COL23A1: variants seen among roughly 807,000 people sequenced by gnomAD.
COL23A1 encodes collagen alpha-1(XXIII) chain.
A neutral mutation model predicts 99.3 loss-of-function variants in COL23A1; 97 were observed. The observed-to-expected ratio is 0.98, with a 90% CI of 0.83 to 1.16. The LOEUF (loss-of-function observed/expected upper bound fraction) is 1.16. COL23A1 is among the 50% of genes most tolerant of loss of function. COL23A1 has a pLI of 0.00. For missense variants in COL23A1, 762 were observed against 757.4 expected (o/e 1.01, Z -0.07); for synonymous variants, 320 against 308.2 (o/e 1.04, Z -0.40).
At chr5:178,447,628 T>C (rs1767236565) in intron 2 of COL23A1, among the ~76,000 whole-genome samples, 1 of 152,186 alleles carries the variant, frequency 6.6e-6, no homozygotes, top group South Asian at 2.1e-4. Context: ...GGTTCTAACA[T>C]CTAGGCTTGT....
chr5:178,394,927 C>T (rs1226701719), intron 2 of COL23A1, among the ~76,000 whole-genome samples: 4 of 135,852 alleles, frequency 2.9e-5, no homozygotes, highest in Non-Finnish European at 6.3e-5. Context: ...GGCGGGCAGG[C>T]GCTCTGGGCA....
chr5:178,293,989 G>A (rs1349665215), intron 3 of COL23A1, among the ~76,000 whole-genome samples: 1 of 152,054 alleles, frequency 6.6e-6, no homozygotes, highest in Non-Finnish European at 1.5e-5. Flanking sequence ...CAGAAGTACT[G>A]TGGGAGAGAG....
chr5:178,400,396 T>A (rs2127763506), intron 2 of COL23A1, among the ~76,000 whole-genome samples: 1 of 144,470 alleles, frequency 6.9e-6, no homozygotes, highest in South Asian at 2.2e-4. Context: ...AAAGTCTACA[T>A]GGAATAAAAT....
At chr5:178,433,407 TG>T (rs1766371950) in intron 2 of COL23A1, among the ~76,000 whole-genome samples, 1 of 152,226 alleles carries the variant, frequency 6.6e-6, no homozygotes, top group South Asian at 2.1e-4. Context: ...TCTGTCCCTG[TG>T]GAGTTGGGGT....
At position 178,431,105 on chromosome 5, in the gene COL23A1, C is replaced by T. The variant is rs79766621; in HGVS notation, c.362-124186G>A. 5.4e-3 allele frequency among the ~76,000 whole-genome samples: 815 copies of T among 152,126 alleles called. 6 individuals carry two copies. Among genetic ancestry groups the T allele is most frequent in the African/African-American group, 0.019 (778 of 41,482 alleles). On this transcript the variant is annotated intron_variant, in intron 2 of 28. Coordinates refer to ENST00000390654, the MANE Select transcript of COL23A1 (RefSeq NM_173465.4). ...GTGAGCAAAGACATAGAGGGAGCAC[C>T]GCCAGCTTATGGGATGGCAAGTGGG... is the stretch of plus-strand genomic sequence containing the variant.
chr5:178,507,687 C>A (rs1758955111), intron 2 of COL23A1, among the ~76,000 whole-genome samples: 1 of 152,234 alleles, frequency 6.6e-6, no homozygotes, highest in Non-Finnish European at 1.5e-5. Flanking sequence ...GAGGAGCGAT[C>A]TGCTGTCATT....
intron 2 of COL23A1, among the ~76,000 whole-genome samples, chr5:178,516,151 C>G (rs559826895): frequency 3.9e-5 from 6 of 152,344 alleles, no homozygotes; most frequent in African/African-American, 1.4e-4. Flanking sequence ...CACCCTACCC[C>G]TCTTCCCGTG....
intron 3 of COL23A1, among the ~76,000 whole-genome samples, chr5:178,295,758 G>C (rs1581100115): frequency 6.6e-6 from 1 of 152,380 alleles, no homozygotes; most frequent in East Asian, 1.9e-4. Flanking sequence ...GGATGGTGCA[G>C]CTGCAGATGG....
intron 2 of COL23A1, among the ~76,000 whole-genome samples, chr5:178,351,447 G>A (rs1297424882): frequency 2.0e-5 from 3 of 152,206 alleles, no homozygotes; most frequent in African/African-American, 7.2e-5. Context: ...CTCTGCCCAG[G>A]GAACTGGGAG....
chr5:178,276,585 G>A (rs977709353), intron 5 of COL23A1, among the ~76,000 whole-genome samples: 4 of 152,304 alleles, frequency 2.6e-5, no homozygotes, highest in Non-Finnish European at 5.9e-5. Flanking sequence ...CATTAGAGCC[G>A]GCTGGTGGAT....
Position 178,434,637 on chromosome 5 carries a change from C to G in COL23A1, c.361+126045G>C, listed in dbSNP as rs1004950426. On this transcript the variant is annotated intron_variant, in intron 2 of 28. Transcript: ENST00000390654. This position sits in a 1 kb window ranked among gnomAD's most constrained non-coding sequence, Gnocchi z 4.3. ...GCATCCCAGGTGGGTAATCTGGAGACAGTGGGGGGCTCTGGCCCTGGTGCT... is the reference window on the plus strand; with the variant it reads ...GCATCCCAGGTGGGTAATCTGGAGAGAGTGGGGGGCTCTGGCCCTGGTGCT... 2.7e-4 allele frequency among the ~76,000 whole-genome samples: 41 copies of G among 152,310 alleles called. No individual in the cohort carries two copies. Among genetic ancestry groups the G allele is most frequent in the African/African-American group, 9.6e-4 (40 of 41,564 alleles).
chr5:178,421,770 G>A (rs187851825), intron 2 of COL23A1, among the ~76,000 whole-genome samples: 35 of 152,344 alleles, frequency 2.3e-4, no homozygotes, highest in African/African-American at 7.9e-4. Flanking sequence ...TCAGAAGGCT[G>A]AGGCATGAGA....
intron 2 of COL23A1, among the ~76,000 whole-genome samples, chr5:178,506,744 C>T (rs630123): frequency 0.55 from 83,705 of 152,126 alleles, 23,758 homozygotes; most frequent in Admixed American, 0.62. Flanking sequence ...TACTTATGGT[C>T]ACATATGTAA....
rs921629975 is a variant in COL23A1 at position 178,255,473 on chromosome 5, G to A, written c.883-447C>T. 6.6e-6 allele frequency among the ~76,000 whole-genome samples: 1 copy of A among 151,648 alleles called. No individual in the cohort carries two copies. The highest frequency in any genetic ancestry group is 6.6e-5 in the Admixed American group (1 of 15,218). ...GCCAAGCACCCACACGCCTATTCCC[G>A]CCTGGTTACAGGTGCATGTCAGCAT... On this transcript the variant is annotated intron_variant, in intron 15 of 28. Coordinates refer to ENST00000390654, the MANE Select transcript of COL23A1 (RefSeq NM_173465.4). The surrounding 1 kb of genome is among the most constrained non-coding windows in gnomAD (Gnocchi z 4.2).
intron 2 of COL23A1, among the ~76,000 whole-genome samples, chr5:178,419,748 G>A (rs981336741): frequency 2.0e-5 from 3 of 152,216 alleles, no homozygotes; most frequent in African/African-American, 7.2e-5. Flanking sequence ...AGGCAAAACT[G>A]AAAACCTAAC....
Position 178,286,177 on chromosome 5 carries a change from C to T in COL23A1, c.441+2147G>A, listed in dbSNP as rs933601161. Among the ~76,000 whole-genome samples, 20 of 152,202 alleles carry T rather than the reference C, an allele frequency of 1.3e-4. 1 individual carries two copies. Among genetic ancestry groups the T allele is most frequent in the African/African-American group, 4.6e-4 (19 of 41,456 alleles). On this transcript the variant is annotated intron_variant, in intron 5 of 28. Transcript: ENST00000390654. Reference sequence around the variant, plus strand: ...GGCTGTGATACCAGCTTCCTGGAGACGTTGACAGGGTGCCCTCATCCCTCA... The same window carrying T: ...GGCTGTGATACCAGCTTCCTGGAGATGTTGACAGGGTGCCCTCATCCCTCA...
intron 2 of COL23A1, among the ~76,000 whole-genome samples, chr5:178,487,526 A>C (rs1318413951): frequency 6.6e-6 from 1 of 152,038 alleles, no homozygotes; most frequent in Non-Finnish European, 1.5e-5. Flanking sequence ...AAGGAACTTA[A>C]AATGGTTAAA....
In COL23A1 at chr5:178,586,288, T is replaced by TC. The variant is rs564335727; in HGVS notation, c.294+3615_294+3616insG. On this transcript the variant is annotated intron_variant, in intron 1 of 28. Transcript: ENST00000390654. ...TTTCCTGTCTGTTATCATATTTGCA[T>TC]ACATGGGAGCTGTGACCACACTATC... Among the ~76,000 whole-genome samples, 200 of 152,340 alleles carry TC rather than the reference T, an allele frequency of 1.3e-3. 1 individual carries two copies. The highest frequency in any genetic ancestry group is 4.1e-3 in the African/African-American group (172 of 41,568).
Position 178,447,885 on chromosome 5 carries a change from C to T in COL23A1, c.361+112797G>A, listed in dbSNP as rs1045272209. On this transcript the variant is annotated intron_variant, in intron 2 of 28. Transcript: ENST00000390654. ...GTGGGGGTTGGCAGGTTTAAAGGGG[C>T]TGACTCCCGTTTCTGGTTGGGGCAA... Among the ~76,000 whole-genome samples the T allele has an allele frequency of 4.7e-4, 71 of 152,170 alleles. 1 individual carries two copies. Among genetic ancestry groups the T allele is most frequent in the Non-Finnish European group, 8.8e-5 (6 of 68,026 alleles).
Sources: gnomAD v4.1 joint callset for allele counts (sites outside exome capture counted in the v4.1 genomes callset) on GRCh38, gnomAD v4.1.1 for gene constraint, Gnocchi (gnomAD v3.1) non-coding constraint, MANE v1.5 for transcripts, NCBI Gene and HGNC (gene_info 2026-07-23, HGNC 2026-07-21) for gene names.